The following PARD3B variants were observed in gnomAD, a reference collection of about 807,000 sequenced individuals.
The protein encoded by PARD3B is partitioning defective 3 homolog B.
Under a neutral mutation model 130.2 loss-of-function variants are expected in PARD3B, and 103 were observed. The ratio of observed to expected loss-of-function variants is 0.79; its 90% CI spans 0.67 to 0.93. The LOEUF (loss-of-function observed/expected upper bound fraction) is 0.93, where lower values mean the gene tolerates loss of function less well. Among genes scored for constraint, PARD3B ranks in the 40% least tolerant of loss-of-function variants. PARD3B has a pLI of 0.00. For missense variants in PARD3B, 1,609 were observed against 1,499.2 expected, an observed-to-expected ratio of 1.07 and a Z score of -1.21; for synonymous variants, 583 against 553.2, an observed-to-expected ratio of 1.05 and a Z score of -0.76.
chr2:204,987,832 G>T (rs532273487), intron 3 of PARD3B, among the ~76,000 whole-genome samples: 1 of 152,194 alleles, frequency 6.6e-6, no homozygotes, highest in Non-Finnish European at 1.5e-5. Context: ...CTTATATAGG[G>T]AGGTGATTTC....
chr2:205,521,410 G>T (rs925126871), intron 21 of PARD3B, among the ~76,000 whole-genome samples: 2 of 151,444 alleles, frequency 1.3e-5, no homozygotes, highest in African/African-American at 4.8e-5. Flanking sequence ...TTCATTCAGG[G>T]TTTTTTTTCT....
chr2:205,254,929 G>T (rs1412818128), intron 16 of PARD3B, among the ~76,000 whole-genome samples: 1 of 151,900 alleles, frequency 6.6e-6, no homozygotes, highest in African/African-American at 2.4e-5. Context: ...CTCCCAAAGT[G>T]CTGGGATTAC....
chr2:204,919,561 G>C (rs1030079068), intron 2 of PARD3B, among the ~76,000 whole-genome samples: 4 of 152,150 alleles, frequency 2.6e-5, no homozygotes, highest in Admixed American at 6.5e-5. Flanking sequence ...TCACCGTTTA[G>C]TATATTTGTA....
At chr2:205,452,470 A>C (rs1305776791) in intron 20 of PARD3B, among the ~76,000 whole-genome samples, 2 of 152,216 alleles carry the variant, frequency 1.3e-5, no homozygotes, top group East Asian at 3.8e-4. Context: ...CCCAGTGATA[A>C]ATGCCATTTC....
chr2:205,418,197 T>C (rs1473349452), intron 19 of PARD3B, among the ~76,000 whole-genome samples: 1 of 152,204 alleles, frequency 6.6e-6, no homozygotes, highest in Non-Finnish European at 1.5e-5. Context: ...TTCCTTGAGA[T>C]GTGCTGTCAC....
At chr2:204,576,253 GTGC>G (rs1247915654) in intron 1 of PARD3B, among the ~76,000 whole-genome samples, 2 of 152,178 alleles carry the variant, frequency 1.3e-5, no homozygotes, top group African/African-American at 4.8e-5. Flanking sequence ...GCAGGCTGGG[GTGC>G]TGCTATTTTT....
In PARD3B at chr2:205,341,210, G is replaced by T. The variant is rs2043516173; in HGVS notation, c.2630+39509G>T. ...GGTTTAAAATCTATATTAAAATTAG[G>T]ACTGCCATGCAATCCAACAATCCCA... is the stretch of plus-strand genomic sequence containing the variant. On this transcript the variant is annotated intron_variant, in intron 18 of 22. Coordinates refer to ENST00000406610, the MANE Select transcript of PARD3B (RefSeq NM_001302769.2). The surrounding 1 kb of genome is among the most constrained non-coding windows in gnomAD (Gnocchi z 4.3). Among the ~76,000 whole-genome samples the T allele has an allele frequency of 6.6e-6, 1 of 151,992 alleles. No individual in the cohort carries two copies.
intron 19 of PARD3B, among the ~76,000 whole-genome samples, chr2:205,408,579 C>T (rs1323804834): frequency 6.6e-6 from 1 of 152,064 alleles, no homozygotes; most frequent in Non-Finnish European, 1.5e-5. Context: ...TAAATATATA[C>T]AGCAACAAGT....
intron 10 of PARD3B, among the ~76,000 whole-genome samples, chr2:205,131,061 A>G (rs1395276840): frequency 3.3e-5 from 5 of 152,320 alleles, no homozygotes; most frequent in Admixed American, 1.3e-4. Context: ...ATCATAAATT[A>G]TAGAATTTTG....
chr2:205,290,420 A>G (rs1355921827), intron 16 of PARD3B, among the ~76,000 whole-genome samples: 9 of 152,188 alleles, frequency 5.9e-5, no homozygotes, highest in Non-Finnish European at 1.3e-4. Context: ...ATAGCATCTG[A>G]GTAGCCTTGC....
At chr2:204,924,522 A>C (rs969243913) in intron 2 of PARD3B, among the ~76,000 whole-genome samples, 89 of 152,210 alleles carry the variant, frequency 5.8e-4, no homozygotes, top group African/African-American at 1.9e-3. Context: ...ATTAGTTACT[A>C]CTAAAATTGT....
chr2:205,183,431 T>G lies in PARD3B; in HGVS notation c.1925-2333T>G, dbSNP rs112419977. On this transcript the variant is annotated intron_variant, in intron 13 of 22. Coordinates refer to ENST00000406610, the MANE Select transcript of PARD3B (RefSeq NM_001302769.2). The surrounding 1 kb of genome is among the most constrained non-coding windows in gnomAD (Gnocchi z 5.2). ...CCCAGGATGTCCATTGTCCCCAATT[T>G]ACATTACAGTCCTTCTGTTCTGTTT... Among the ~76,000 whole-genome samples, 41 of 152,302 alleles carry G rather than the reference T, an allele frequency of 2.7e-4. 2 individuals are homozygous for G. The highest frequency in any genetic ancestry group is 9.6e-4 in the African/African-American group (40 of 41,574).
At chr2:204,723,137 C>T (rs889577856) in intron 2 of PARD3B, among the ~76,000 whole-genome samples, 1 of 152,034 alleles carries the variant, frequency 6.6e-6, no homozygotes, top group African/African-American at 2.4e-5. Flanking sequence ...TGTTATAGAT[C>T]CATCTTTTCA....
At chr2:204,763,182 A>G (rs2125412236) in intron 2 of PARD3B, among the ~76,000 whole-genome samples, 1 of 152,340 alleles carries the variant, frequency 6.6e-6, no homozygotes, top group Middle Eastern at 3.4e-3. Flanking sequence ...TTGACCTACC[A>G]GGGACAGCAT....
chr2:204,629,058 A>G (rs868442660), intron 1 of PARD3B, among the ~76,000 whole-genome samples: 4 of 152,164 alleles, frequency 2.6e-5, no homozygotes, highest in Non-Finnish European at 5.9e-5. Flanking sequence ...TTCCAACAGG[A>G]TGTGCATCCC....
intron 1 of PARD3B, among the ~76,000 whole-genome samples, chr2:204,597,165 T>C (rs945225267): frequency 1.3e-5 from 2 of 152,110 alleles, no homozygotes; most frequent in Non-Finnish European, 2.9e-5. Flanking sequence ...TGATCTTTGA[T>C]GAGGACTTTG....
At chr2:204,591,128 C>T (rs2033057493) in intron 1 of PARD3B, among the ~76,000 whole-genome samples, 1 of 152,168 alleles carries the variant, frequency 6.6e-6, no homozygotes, top group Admixed American at 6.5e-5. Context: ...AACTATGTTT[C>T]TTTTTCATCT....
At chr2:205,508,826 C>T (rs1489937437) in intron 21 of PARD3B, among the ~76,000 whole-genome samples, 2 of 152,102 alleles carry the variant, frequency 1.3e-5, no homozygotes, top group East Asian at 3.9e-4. Flanking sequence ...TTAGAAAGGC[C>T]TGAAGTTTTA....
At chr2:205,279,469 T>A (rs991837880) in intron 16 of PARD3B, among the ~76,000 whole-genome samples, 1 of 152,226 alleles carries the variant, frequency 6.6e-6, no homozygotes, top group Non-Finnish European at 1.5e-5. Flanking sequence ...GCCTTGTTAA[T>A]TATGTACATT....
Sources: gnomAD v4.1 joint callset for allele counts (sites outside exome capture counted in the v4.1 genomes callset) on GRCh38, gnomAD v4.1.1 for gene constraint, Gnocchi (gnomAD v3.1) non-coding constraint, MANE v1.5 for transcripts, NCBI Gene and HGNC (gene_info 2026-07-23, HGNC 2026-07-21) for gene names.